C2orf66: variants seen among roughly 807,000 people sequenced by gnomAD.
The protein encoded by C2orf66 is chromosome 2 open reading frame 66.
C2orf66 carries 6 observed loss-of-function variants against 7.0 expected under a neutral mutation model. That is an observed-to-expected ratio of 0.86 (90% confidence interval 0.47 to 1.69). C2orf66 has a LOEUF of 1.69. Ranked by LOEUF, C2orf66 falls within the 40% of genes most tolerant of loss-of-function variation. The probability of loss-of-function intolerance (pLI) is 0.01; values close to 1 mark genes in which losing one functional copy is unlikely to be tolerated. For synonymous variants in C2orf66, 38 were observed against 43.8 expected (o/e 0.87, Z 0.52); for missense variants, 107 against 112.0 (o/e 0.96, Z 0.20).
upstream of C2orf66, among the ~76,000 whole-genome samples, chr2:196,810,531 A>C (rs532297388): frequency 2.0e-5 from 3 of 152,358 alleles, no homozygotes; most frequent in African/African-American, 7.2e-5. Context: ...CTATACCTAC[A>C]ACATTCCCTT....
At chr2:196,822,790 T>C in the C2orf66 span, among the ~76,000 whole-genome samples, 1 of 152,238 alleles carries the variant, frequency 6.6e-6, no homozygotes, top group Non-Finnish European at 1.5e-5. Context: ...TATTTTGCTC[T>C]GTTTTAACAA....
At chr2:196,829,519 G>A in the C2orf66 span, among the ~76,000 whole-genome samples, 1 of 151,320 alleles carries the variant, frequency 6.6e-6, no homozygotes, top group Non-Finnish European at 1.5e-5. Flanking sequence ...AACCCCAGGG[G>A]CAAAGGTTGC....
At chr2:196,825,062 C>T in the C2orf66 span, among the ~76,000 whole-genome samples, 1 of 151,910 alleles carries the variant, frequency 6.6e-6, no homozygotes, top group Non-Finnish European at 1.5e-5. Context: ...AGTGAAACCA[C>T]ATCTCTACTA....
At position 196,807,488 on chromosome 2, in the gene C2orf66, A is replaced by C; in HGVS notation, c.258T>G (p.Asp86Glu). The C allele has an allele frequency of 6.2e-7, 1 of 1,612,372 alleles. No individual in the cohort carries two copies. The highest frequency in any genetic ancestry group is 8.5e-7 in the Non-Finnish European group (1 of 1,179,550). Residue 86 changes from aspartate to glutamate, a missense_variant, in exon 2 of 3, where the codon GAT becomes GAG. Physicochemically the swap from Asp to Glu is conservative, Grantham distance 45. Transcript: ENST00000342506. ...GAAAGGAGTTTTTCTGCTCTTCATAATCTGCAGATGCAGAAGCAGTAAGTT... is the reference window on the plus strand; with the variant it reads ...GAAAGGAGTTTTTCTGCTCTTCATACTCTGCAGATGCAGAAGCAGTAAGTT... ...QSELTASASA[D>E]YEEQKNSFHN...
the C2orf66 span, among the ~76,000 whole-genome samples, chr2:196,827,366 T>TTATGCAA: frequency 1.3e-4 from 19 of 151,784 alleles, no homozygotes; most frequent in Admixed American, 1.2e-3. Flanking sequence ...AAAATGCAAC[T>TTATGCAA]ATATGACAAA....
chr2:196,812,091 G>C (rs1336229822), upstream of C2orf66, among the ~76,000 whole-genome samples: 1 of 152,168 alleles, frequency 6.6e-6, no homozygotes, highest in Non-Finnish European at 1.5e-5. Flanking sequence ...AGTTACTAGA[G>C]TTAAAAGTAG....
chr2:196,806,217 A>G (rs1235811398), intron 2 of C2orf66, among the ~76,000 whole-genome samples: 1 of 152,028 alleles, frequency 6.6e-6, no homozygotes, highest in African/African-American at 2.4e-5. Context: ...TATTTTTTTG[A>G]GATGGAGTCT....
the C2orf66 span, among the ~76,000 whole-genome samples, chr2:196,820,931 G>T: frequency 4.7e-4 from 72 of 152,292 alleles, no homozygotes; most frequent in Non-Finnish European, 6.3e-4. Context: ...TTGGAAGAAA[G>T]GTCTTTGTAT....
upstream of C2orf66, among the ~76,000 whole-genome samples, chr2:196,811,058 T>C (rs1340440152): frequency 6.6e-6 from 1 of 152,190 alleles, no homozygotes. Flanking sequence ...GTCAACTGAA[T>C]AGGAGTTACC....
upstream of C2orf66, among the ~76,000 whole-genome samples, chr2:196,810,968 C>T (rs563759397): frequency 6.6e-6 from 1 of 152,308 alleles, no homozygotes; most frequent in South Asian, 2.1e-4. Context: ...ATAGCGAGTG[C>T]TATGAAAGTA....
At chr2:196,828,339 G>A in the C2orf66 span, among the ~76,000 whole-genome samples, 2 of 149,864 alleles carry the variant, frequency 1.3e-5, no homozygotes, top group African/African-American at 4.9e-5. Flanking sequence ...ATTCATCAAG[G>A]GACTTTTCTC....
the C2orf66 span, among the ~76,000 whole-genome samples, chr2:196,830,601 C>G: frequency 6.6e-6 from 1 of 152,204 alleles, no homozygotes; most frequent in African/African-American, 2.4e-5. Flanking sequence ...GGAGCATTTA[C>G]AAAGCCAATT....
At chr2:196,817,429 G>T in the C2orf66 span, among the ~76,000 whole-genome samples, 1 of 151,872 alleles carries the variant, frequency 6.6e-6, no homozygotes, top group African/African-American at 2.4e-5. Context: ...TAGAGACAGG[G>T]TTTCACCGTG....
chr2:196,823,073 G>C, the C2orf66 span, among the ~76,000 whole-genome samples: 1 of 151,788 alleles, frequency 6.6e-6, no homozygotes, highest in Non-Finnish European at 1.5e-5. Context: ...GAAGGGAAGT[G>C]AGTGAGCAAA....
chr2:196,813,784 A>G (rs1699898350), upstream of C2orf66, among the ~76,000 whole-genome samples: 1 of 152,260 alleles, frequency 6.6e-6, no homozygotes, highest in Non-Finnish European at 1.5e-5. Context: ...GACACTTCTC[A>G]GAAGAAGACG....
the C2orf66 span, among the ~76,000 whole-genome samples, chr2:196,829,699 C>T: frequency 1.3e-5 from 2 of 151,766 alleles, no homozygotes; most frequent in African/African-American, 4.8e-5. Context: ...AGATAAAGAC[C>T]ATCCTGGCTA....
At chr2:196,816,636 C>T in the C2orf66 span, among the ~76,000 whole-genome samples, 2 of 152,088 alleles carry the variant, frequency 1.3e-5, no homozygotes, top group Non-Finnish European at 2.9e-5. Context: ...TATCCCAAAC[C>T]TCTGCATCAC....
the C2orf66 span, among the ~76,000 whole-genome samples, chr2:196,825,973 TTA>T: frequency 6.6e-6 from 1 of 152,182 alleles, no homozygotes; most frequent in Non-Finnish European, 1.5e-5. Context: ...TAAATATTTA[TTA>T]TGTTATTTAG....
the C2orf66 span, among the ~76,000 whole-genome samples, chr2:196,829,466 G>A: frequency 2.0e-5 from 3 of 152,076 alleles, no homozygotes; most frequent in African/African-American, 4.8e-5. Flanking sequence ...GCAGACGCCT[G>A]TAATCCCAGC....
Sources: gnomAD v4.1 joint callset for allele counts (sites outside exome capture counted in the v4.1 genomes callset) on GRCh38, gnomAD v4.1.1 for gene constraint, MANE v1.5 for transcripts, NCBI Gene and HGNC (gene_info 2026-07-23, HGNC 2026-07-21) for gene names.